GRM8: variants seen among roughly 807,000 people sequenced by gnomAD.
GRM8 encodes glutamate metabotropic receptor 8.
A neutral mutation model predicts 87.2 loss-of-function variants in GRM8; 47 were observed. The ratio of observed to expected loss-of-function variants is 0.54; its 90% CI spans 0.43 to 0.69. The LOEUF (loss-of-function observed/expected upper bound fraction) is 0.69. Among genes scored for constraint, GRM8 ranks in the 30% least tolerant of loss-of-function variants. The probability of loss-of-function intolerance (pLI) is 0.00; values close to 1 mark genes in which losing one functional copy is unlikely to be tolerated. For synonymous variants in GRM8, 396 were observed against 404.5 expected, an observed-to-expected ratio of 0.98 and a Z score of 0.25; for missense variants, 1,019 against 1,139.2, an observed-to-expected ratio of 0.89 and a Z score of 1.52.
At chr7:126,681,582 T>G (rs1308833846) in intron 7 of GRM8, among the ~76,000 whole-genome samples, 2 of 152,238 alleles carry the variant, frequency 1.3e-5, no homozygotes, top group Non-Finnish European at 2.9e-5. Context: ...CTCAACAACT[T>G]GGAGATTTGA....
chr7:126,989,269 T>C (rs1002026483), intron 3 of GRM8, among the ~76,000 whole-genome samples: 1 of 152,236 alleles, frequency 6.6e-6, no homozygotes, highest in Non-Finnish European at 1.5e-5. Flanking sequence ...TCCTAAATTC[T>C]CTTAATCTTT....
At chr7:126,743,412 A>G (rs1815245791) in intron 7 of GRM8, among the ~76,000 whole-genome samples, 1 of 152,148 alleles carries the variant, frequency 6.6e-6, no homozygotes, top group African/African-American at 2.4e-5. Flanking sequence ...TCCACTTTTC[A>G]TATCATACCC....
chr7:127,172,320 TC>T (rs1793852895), intron 2 of GRM8, among the ~76,000 whole-genome samples: 1 of 152,206 alleles, frequency 6.6e-6, no homozygotes, highest in Admixed American at 6.5e-5. Flanking sequence ...AAATTACCAA[TC>T]CATTACTTTT....
intron 7 of GRM8, among the ~76,000 whole-genome samples, chr7:126,767,319 T>G (rs1818295563): frequency 6.6e-6 from 1 of 152,136 alleles, no homozygotes; most frequent in Admixed American, 6.6e-5. Flanking sequence ...TTATAAGAGT[T>G]ACATCATTTC....
chr7:126,934,126 C>CA (rs1806040905), intron 3 of GRM8, among the ~76,000 whole-genome samples: 1 of 152,106 alleles, frequency 6.6e-6, no homozygotes, highest in Admixed American at 6.5e-5. Context: ...TGGATGGAGG[C>CA]AAAATCCCCT....
At chr7:126,888,498 C>T (rs1800703638) in intron 6 of GRM8, among the ~76,000 whole-genome samples, 1 of 152,124 alleles carries the variant, frequency 6.6e-6, no homozygotes, top group Non-Finnish European at 1.5e-5. Context: ...TCCAAGTTTC[C>T]TTCCTTCTCT....
At position 127,252,588 on chromosome 7, in the gene GRM8, A is replaced by G. The variant is rs1798932436; in HGVS notation, c.-312+209T>C. Reference sequence around the variant, plus strand: ...TACTTGTGCTCAGGAAAAACAAATCACTAGAGTGATATGAGAAGGAATGGT... The same window carrying G: ...TACTTGTGCTCAGGAAAAACAAATCGCTAGAGTGATATGAGAAGGAATGGT... On this transcript the variant is annotated intron_variant, in intron 1 of 10. Coordinates refer to ENST00000339582, the MANE Select transcript of GRM8 (RefSeq NM_000845.3). This position sits in a 1 kb window ranked among gnomAD's most constrained non-coding sequence, Gnocchi z 4.9. Among the ~76,000 whole-genome samples the G allele has an allele frequency of 6.6e-6, 1 of 151,846 alleles. No homozygotes were observed. The highest frequency in any genetic ancestry group is 1.5e-5 in the Non-Finnish European group (1 of 67,976).
chr7:127,233,370 A>G (rs1797808092), intron 2 of GRM8, among the ~76,000 whole-genome samples: 1 of 152,220 alleles, frequency 6.6e-6, no homozygotes, highest in Non-Finnish European at 1.5e-5. Flanking sequence ...CATAATATCT[A>G]TAAGTCGCAA....
chr7:127,097,068 T>C (rs564026559), intron 3 of GRM8, among the ~76,000 whole-genome samples: 1 of 152,288 alleles, frequency 6.6e-6, no homozygotes, highest in East Asian at 1.9e-4. Context: ...TGCCAGGTAC[T>C]ATACTGGATA....
At chr7:127,229,205 A>T (rs1797529279) in intron 2 of GRM8, 1 of 152,210 alleles carries the variant, frequency 6.6e-6, no homozygotes. Context: ...CTATTCTCCC[A>T]GCATGTGCTA....
intron 6 of GRM8, among the ~76,000 whole-genome samples, chr7:126,820,771 T>G (rs977537298): frequency 2.0e-5 from 3 of 152,152 alleles, no homozygotes; most frequent in Non-Finnish European, 4.4e-5. Context: ...ATCTTCCTCC[T>G]ATGAGCTGAA....
At chr7:127,229,083 A>T (rs1426636231) in intron 2 of GRM8, 1 of 152,242 alleles carries the variant, frequency 6.6e-6, no homozygotes, top group East Asian at 1.9e-4. Context: ...ACCACTGATC[A>T]GCAGAGGCTG....
At chr7:126,698,513 G>A (rs1016117931) in intron 7 of GRM8, among the ~76,000 whole-genome samples, 1 of 152,010 alleles carries the variant, frequency 6.6e-6, no homozygotes, top group Non-Finnish European at 1.5e-5. Flanking sequence ...ATGTTACTAT[G>A]TCTTTCTACC....
chr7:126,755,112 T>TATGCAA (rs1337836396), intron 7 of GRM8, among the ~76,000 whole-genome samples: 3 of 151,992 alleles, frequency 2.0e-5, no homozygotes, highest in Non-Finnish European at 4.4e-5. Flanking sequence ...AAAGAAAGTA[T>TATGCAA]TATGCATACA....
chr7:127,234,158 T>C (rs1055021191), intron 2 of GRM8, among the ~76,000 whole-genome samples: 4 of 152,212 alleles, frequency 2.6e-5, no homozygotes, highest in Non-Finnish European at 5.9e-5. Context: ...GAGGTAGCTG[T>C]CATGGTTTCT....
chr7:126,809,218 C>A (rs772304775), intron 6 of GRM8, among the ~76,000 whole-genome samples: 12 of 152,256 alleles, frequency 7.9e-5, no homozygotes, highest in Non-Finnish European at 1.6e-4. Context: ...ATTGGGCCCA[C>A]CTGGATAATG....
chr7:127,018,924 C>T (rs761682444), intron 3 of GRM8, among the ~76,000 whole-genome samples: 4 of 152,068 alleles, frequency 2.6e-5, no homozygotes, highest in African/African-American at 7.2e-5. Context: ...TCTAGCTGTA[C>T]ACTTTGTTAC....
At chr7:127,114,567 T>C (rs1386008927) in intron 2 of GRM8, among the ~76,000 whole-genome samples, 1 of 152,088 alleles carries the variant, frequency 6.6e-6, no homozygotes, top group Non-Finnish European at 1.5e-5. Context: ...ACAGAGCACA[T>C]AACAAAGTCA....
intron 2 of GRM8, among the ~76,000 whole-genome samples, chr7:127,121,412 C>T (rs1157270938): frequency 6.6e-6 from 1 of 152,004 alleles, no homozygotes; most frequent in African/African-American, 2.4e-5. Context: ...ACCCAGGAAC[C>T]CTCAAAGAAG....
Sources: gnomAD v4.1 joint callset for allele counts (sites outside exome capture counted in the v4.1 genomes callset) on GRCh38, gnomAD v4.1.1 for gene constraint, Gnocchi (gnomAD v3.1) non-coding constraint, MANE v1.5 for transcripts, NCBI Gene and HGNC (gene_info 2026-07-23, HGNC 2026-07-21) for gene names.